ARHGAP15: variants seen among roughly 807,000 people sequenced by gnomAD.
ARHGAP15 encodes the protein Rho GTPase activating protein 15.
ARHGAP15 carries 51 observed loss-of-function variants against 63.7 expected under a neutral mutation model. That is an observed-to-expected ratio of 0.80 (90% CI 0.64 to 1.01). The LOEUF (loss-of-function observed/expected upper bound fraction) is 1.01. Among genes scored for constraint, ARHGAP15 ranks in the 50% least tolerant of loss-of-function variants. The pLI is 0.00. For synonymous variants in ARHGAP15, 191 were observed against 193.8 expected (o/e 0.99, Z 0.12); for missense variants, 560 against 564.6 (o/e 0.99, Z 0.08).
intron 6 of ARHGAP15, among the ~76,000 whole-genome samples, chr2:143,429,189 T>A (rs576867009): frequency 2.2e-4 from 34 of 151,804 alleles, no homozygotes; most frequent in African/African-American, 8.2e-4. Context: ...ACTTAAAATA[T>A]TTTAACACAA....
At chr2:143,497,723 T>C (rs747708920) in intron 9 of ARHGAP15, among the ~76,000 whole-genome samples, 9 of 152,172 alleles carry the variant, frequency 5.9e-5, no homozygotes, top group Non-Finnish European at 7.3e-5. Context: ...GGTGGATAAC[T>C]GAGGGAGAAG....
chr2:143,523,335 G>A (rs1363918894), intron 10 of ARHGAP15, among the ~76,000 whole-genome samples: 3 of 151,998 alleles, frequency 2.0e-5, no homozygotes, highest in South Asian at 4.1e-4. Flanking sequence ...TAAAAAGCAG[G>A]GAAATACGTG....
At position 143,659,239 on chromosome 2, in the gene ARHGAP15, G is replaced by GA. The variant is rs368085469; in HGVS notation, c.1138+34978dup. Reference sequence around the variant, plus strand: ...AAAGCACTTAAAATTTGTAAGTAGGGAAAAAAGGGATAACAATAACTAAAA... The same window carrying GA: ...AAAGCACTTAAAATTTGTAAGTAGGGAAAAAAAGGGATAACAATAACTAAAA... On this transcript the variant is annotated intron_variant, in intron 12 of 13. Transcript: ENST00000295095. Among the ~76,000 whole-genome samples, 450 of 152,010 alleles carry GA rather than the reference G, an allele frequency of 3.0e-3. 5 individuals carry two copies. The highest frequency in any genetic ancestry group is 0.01 in the African/African-American group (431 of 41,474).
At chr2:143,374,668 A>G (rs1374983913) in intron 6 of ARHGAP15, among the ~76,000 whole-genome samples, 1 of 151,920 alleles carries the variant, frequency 6.6e-6, no homozygotes, top group Non-Finnish European at 1.5e-5. Flanking sequence ...ACACCTGGCT[A>G]ATTTTTGTAT....
At chr2:143,760,494 A>AT (rs1206069027) in intron 13 of ARHGAP15, among the ~76,000 whole-genome samples, 11 of 152,098 alleles carry the variant, frequency 7.2e-5, no homozygotes, top group Admixed American at 6.6e-4. Flanking sequence ...TGGGCCATTC[A>AT]TTTTTTTACT....
intron 6 of ARHGAP15, among the ~76,000 whole-genome samples, chr2:143,292,106 G>C (rs1682430554): frequency 5.5e-5 from 1 of 18,220 alleles, no homozygotes; most frequent in Non-Finnish European, 1.3e-4. Flanking sequence ...AATAATAGTG[G>C]GCTTTTCTGT....
rs1011709615 is a variant in ARHGAP15, at chr2:143,732,263, G to A, written c.1244+28739G>A. 8.5e-5 allele frequency among the ~76,000 whole-genome samples: 13 copies of A among 152,196 alleles called. 1 individual carries two copies. Among genetic ancestry groups the A allele is most frequent in the African/African-American group, 3.1e-4 (13 of 41,444 alleles). ...GGAGGTAAAATGACTCACAGGGAAT[G>A]AAGCAAGCCTGGAATAAAATTTGGC... On this transcript the variant is annotated intron_variant, in intron 13 of 13. Coordinates refer to ENST00000295095, the MANE Select transcript of ARHGAP15 (RefSeq NM_018460.4).
At chr2:143,301,854 C>T (rs1432522560) in intron 6 of ARHGAP15, among the ~76,000 whole-genome samples, 1 of 151,366 alleles carries the variant, frequency 6.6e-6, no homozygotes, top group African/African-American at 2.4e-5. Flanking sequence ...ATGGGGACAA[C>T]ATATATATGG....
chr2:143,403,357 C>G, intron 6 of ARHGAP15, among the ~76,000 whole-genome samples: 1 of 151,812 alleles, frequency 6.6e-6, no homozygotes, highest in Non-Finnish European at 1.5e-5. Flanking sequence ...TGGACCACTT[C>G]CAGTTCACAT....
At chr2:143,633,712 C>A (rs72857992) in intron 12 of ARHGAP15, among the ~76,000 whole-genome samples, 29,501 of 152,098 alleles carry the variant, frequency 0.19, 3,660 homozygotes, top group Middle Eastern at 0.3. Flanking sequence ...CTCCTCAAAA[C>A]TTGGTGGAAA....
At chr2:143,199,186 C>T (rs908268963) in intron 2 of ARHGAP15, among the ~76,000 whole-genome samples, 11 of 152,104 alleles carry the variant, frequency 7.2e-5, no homozygotes, top group Non-Finnish European at 1.2e-4. Flanking sequence ...TGGGTTTCTA[C>T]GATCACTCCC....
chr2:143,610,000 G>A (rs13021050), intron 11 of ARHGAP15, among the ~76,000 whole-genome samples: 53,024 of 151,932 alleles, frequency 0.35, 10,250 homozygotes, highest in South Asian at 0.42. Flanking sequence ...CATAGGAGGT[G>A]GGTGGGTATG....
intron 2 of ARHGAP15, among the ~76,000 whole-genome samples, chr2:143,200,030 C>G (rs554609637): frequency 6.6e-6 from 1 of 152,232 alleles, no homozygotes; most frequent in African/African-American, 2.4e-5. Flanking sequence ...AAACAAAAAC[C>G]TTTCTCATTT....
chr2:143,602,890 G>A (rs765661551), intron 11 of ARHGAP15, among the ~76,000 whole-genome samples: 6 of 152,134 alleles, frequency 3.9e-5, no homozygotes, highest in Non-Finnish European at 8.8e-5. Context: ...GACGGGGTGT[G>A]TGTCTCTCCT....
chr2:143,226,974 A>G (rs1693235676), intron 4 of ARHGAP15, among the ~76,000 whole-genome samples: 1 of 152,218 alleles, frequency 6.6e-6, no homozygotes, highest in Non-Finnish European at 1.5e-5. Context: ...ATAGTCATTT[A>G]AAAAGTATTT....
At chr2:143,211,152 C>G (rs1692542910) in intron 3 of ARHGAP15, among the ~76,000 whole-genome samples, 1 of 151,600 alleles carries the variant, frequency 6.6e-6, no homozygotes, top group South Asian at 2.1e-4. Flanking sequence ...ATGAGCAAAT[C>G]AAATATAGCA....
intron 12 of ARHGAP15, among the ~76,000 whole-genome samples, chr2:143,664,921 A>C (rs1293008128): frequency 6.6e-6 from 1 of 151,864 alleles, no homozygotes; most frequent in East Asian, 1.9e-4. Flanking sequence ...TGTGGCAATA[A>C]TCAATAGTTT....
chr2:143,510,018 TAA>T (rs35469918), intron 9 of ARHGAP15, among the ~76,000 whole-genome samples: 13,203 of 47,712 alleles, frequency 0.28, 642 homozygotes, highest in Non-Finnish European at 0.34. Flanking sequence ...GACTCCCTCT[TAA>T]AAAAAAAAAA....
intron 2 of ARHGAP15, among the ~76,000 whole-genome samples, chr2:143,185,300 A>G (rs944216902): frequency 2.4e-4 from 36 of 152,160 alleles, no homozygotes; most frequent in African/African-American, 8.7e-4. Context: ...CTTCGTCCCT[A>G]TTGAAGTTTT....
Sources: allele counts gnomAD v4.1 joint callset (sites outside exome capture counted in the v4.1 genomes callset), GRCh38; gene constraint gnomAD v4.1.1; transcripts MANE v1.5; gene names NCBI Gene and HGNC (gene_info 2026-07-23, HGNC 2026-07-21).